The following HERC1 variants were observed in gnomAD, a reference collection of about 807,000 sequenced individuals.
HERC1 encodes the protein probable E3 ubiquitin-protein ligase HERC1.
A neutral mutation model predicts 554.3 loss-of-function variants in HERC1; 160 were observed. The ratio of observed to expected loss-of-function variants is 0.29; its 90% CI spans 0.25 to 0.33. HERC1 has a LOEUF of 0.33. HERC1 is among the 10% of genes least tolerant of loss of function. The probability of loss-of-function intolerance (pLI) is 1.00; values close to 1 mark genes in which losing one functional copy is unlikely to be tolerated. For missense variants in HERC1, 4,919 were observed against 5,918.5 expected (o/e 0.83, Z 5.54); for synonymous variants, 2,175 against 2,131.7 (o/e 1.02, Z -0.56).
chr15:63,614,305 G>C (rs1252419312), intron 76 of HERC1, among the ~76,000 whole-genome samples: 1 of 152,212 alleles, frequency 6.6e-6, no homozygotes, highest in Non-Finnish European at 1.5e-5. Flanking sequence ...GCTTTCTTCT[G>C]TGAAACAGAG....
intron 1 of HERC1, among the ~76,000 whole-genome samples, chr15:63,789,078 G>GT (rs71131178): frequency 0.012 from 1,007 of 83,556 alleles, 161 homozygotes; most frequent in East Asian, 0.042. Flanking sequence ...GGAATAAAAG[G>GT]TTTTTTTTTT....
At chr15:63,829,971 G>T (rs1171787887) in intron 1 of HERC1, among the ~76,000 whole-genome samples, 1 of 152,138 alleles carries the variant, frequency 6.6e-6, no homozygotes, top group Non-Finnish European at 1.5e-5. Flanking sequence ...ATAAGTGAGG[G>T]AAAGGGGACA....
intron 1 of HERC1, among the ~76,000 whole-genome samples, chr15:63,831,746 C>T: frequency 6.6e-6 from 1 of 152,002 alleles, no homozygotes; most frequent in East Asian, 1.9e-4. Flanking sequence ...TTATTTGCAC[C>T]CTCTACTAAC....
At chr15:63,629,657 C>G (rs901343493) in intron 69 of HERC1, among the ~76,000 whole-genome samples, 2 of 151,570 alleles carry the variant, frequency 1.3e-5, no homozygotes, top group Non-Finnish European at 2.9e-5. Flanking sequence ...TAACTCTCCT[C>G]TCAGTAAGAG....
Position 63,758,161 on chromosome 15 carries a change from T to C in HERC1, c.1221+14A>G, listed in dbSNP as rs2075494867. The C allele has an allele frequency of 1.3e-6, 2 of 1,575,416 alleles. No individual in the cohort carries two copies. The highest frequency in any genetic ancestry group is 1.7e-6 in the Non-Finnish European group (2 of 1,148,954). On this transcript the variant is annotated intron_variant, in intron 4 of 77. Transcript: ENST00000443617. The surrounding 1 kb of genome is among the most constrained non-coding windows in gnomAD (Gnocchi z 4.0). ...AGATTATCTACCAGTTTGTAAGCTATTTAGAAAACTTACGGTCTGTGCATC... is the reference window on the plus strand; with the variant it reads ...AGATTATCTACCAGTTTGTAAGCTACTTAGAAAACTTACGGTCTGTGCATC...
At position 63,630,507 on chromosome 15, in the gene HERC1, T is replaced by G. The variant is rs549373010; in HGVS notation, c.12925A>C (p.Asn4309His). 75 of 1,613,844 alleles carry G rather than the reference T, an allele frequency of 4.6e-5. No individual in the cohort carries two copies. Among genetic ancestry groups the G allele is most frequent in the Non-Finnish European group, 5.6e-5 (66 of 1,179,872 alleles). Reference sequence around the variant, plus strand: ...CTCCCCCAGGCATACACATCTCCATTTGATGCCAAAGCAAGTGTGTGTTCA... The same window carrying G: ...CTCCCCCAGGCATACACATCTCCATGTGATGCCAAAGCAAGTGTGTGTTCA... Reference protein sequence around the residue: ...GAEHTLALASNGDVYAWGSNS... With the variant: ...GAEHTLALASHGDVYAWGSNS... Residue 4309 changes from asparagine (N) to histidine (H), a missense_variant, in exon 69 of 78, where the codon AAT (asparagine) becomes CAT (histidine). Coordinates refer to ENST00000443617, the MANE Select transcript of HERC1 (RefSeq NM_003922.4).
intron 4 of HERC1, among the ~76,000 whole-genome samples, chr15:63,757,834 C>T (rs551957043): frequency 4.6e-5 from 7 of 151,964 alleles, no homozygotes; most frequent in Non-Finnish European, 8.8e-5. Flanking sequence ...CTCAGCCTCC[C>T]GAGTAGCTGG....
intron 12 of HERC1, among the ~76,000 whole-genome samples, chr15:63,736,711 C>T (rs934789131): frequency 6.6e-6 from 1 of 151,942 alleles, no homozygotes; most frequent in Non-Finnish European, 1.5e-5. Context: ...GGGGTTCAAG[C>T]GATTTTCCTG....
chr15:63,747,840 G>A lies in HERC1; in HGVS notation c.2238C>T (p.His746=). Residue 746 remains histidine, a synonymous_variant, in exon 11 of 78, where the codon CAC becomes CAT. Coordinates refer to ENST00000443617, the MANE Select transcript of HERC1 (RefSeq NM_003922.4). ...CTTCAAGATCTACACAATAAGGTCG[G>A]TGCCATGCAACAACTTGTCTAGAAG... ...LPRDRQVVAW[H]RPYCVDLEES... The A allele has an allele frequency of 1.3e-6, 2 of 1,548,666 alleles. No individual in the cohort carries two copies. Among genetic ancestry groups the A allele is most frequent in the South Asian group, 2.4e-5 (2 of 83,902 alleles).
At position 63,630,627 on chromosome 15, in the gene HERC1, T is replaced by C. The variant is rs887503598; in HGVS notation, c.12805A>G (p.Ile4269Val). 4 of 1,610,572 alleles carry C rather than the reference T, an allele frequency of 2.5e-6. No homozygotes were observed. The highest frequency in any genetic ancestry group is 3.4e-6 in the Non-Finnish European group (4 of 1,178,604). Residue 4269 changes from isoleucine (I) to valine (V), a missense_variant, in exon 69 of 78, where the codon ATA becomes GTA. By Grantham distance (29) the Ile-to-Val change is conservative. Around this residue, in one of 11 missense-constraint regions of HERC1, gnomAD observed 410 missense variants for 467.0 expected, o/e 0.88. Transcript: ENST00000443617. ...HVYTFGQDRL[I>V]GLPEGRARNH... Reference sequence around the variant, plus strand: ...CGAGCACGCCCCTCTGGCAAGCCTATCAGGCGATCTGAAAAAAACAAAACA... The same window carrying C: ...CGAGCACGCCCCTCTGGCAAGCCTACCAGGCGATCTGAAAAAAACAAAACA...
intron 24 of HERC1, among the ~76,000 whole-genome samples, chr15:63,707,748 G>A (rs1053244920): frequency 6.6e-6 from 1 of 151,886 alleles, no homozygotes. Context: ...GGCCAACAAG[G>A]TGAAACCCCA....
At chr15:63,704,636 T>A (rs893996766) in intron 25 of HERC1, among the ~76,000 whole-genome samples, 1 of 151,850 alleles carries the variant, frequency 6.6e-6, no homozygotes, top group Non-Finnish European at 1.5e-5. Flanking sequence ...TAAGTCAAAA[T>A]GAACTACCAA....
chr15:63,679,738 G>A (rs546457639), intron 36 of HERC1, among the ~76,000 whole-genome samples: 2 of 152,202 alleles, frequency 1.3e-5, no homozygotes, highest in Non-Finnish European at 2.9e-5. Flanking sequence ...TTATTCAGCT[G>A]ATAGCATCTT....
At chr15:63,826,803 AAAAAAAAAAAAATATAT>A (rs1210487753) in intron 1 of HERC1, among the ~76,000 whole-genome samples, 4 of 73,636 alleles carry the variant, frequency 5.4e-5, no homozygotes, top group Admixed American at 4.5e-4. Flanking sequence ...AAAAAAAAAA[AAAAAAAAAAAAATATAT>A]ATATATATAT....
At chr15:63,645,199 A>G in intron 56 of HERC1, 102 bp from the exon 57 acceptor site, 1 of 895,086 alleles carries the variant, frequency 1.1e-6, no homozygotes, top group Non-Finnish European at 1.8e-6. Flanking sequence ...CCACTGCATT[A>G]TTTTTTAAAC....
At chr15:63,671,682 A>G (rs2070934048) in intron 39 of HERC1, among the ~76,000 whole-genome samples, 1 of 152,222 alleles carries the variant, frequency 6.6e-6, no homozygotes, top group Non-Finnish European at 1.5e-5. Context: ...AGCTTTAAAA[A>G]GTTGCCCAGG....
At position 63,749,420 on chromosome 15, in the gene HERC1, C is replaced by T; in HGVS notation, c.2166G>A (p.Gln722=). 3.7e-6 allele frequency: 6 copies of T among 1,613,796 alleles called. No homozygotes were observed. The highest frequency in any genetic ancestry group is 5.1e-6 in the Non-Finnish European group (6 of 1,179,778). The change falls in exon 10 of 78, where the codon CAG becomes CAA. Residue 722 remains glutamine (Q), a synonymous_variant. Coordinates refer to ENST00000443617, the MANE Select transcript of HERC1 (RefSeq NM_003922.4). This position sits in a 1 kb window ranked among gnomAD's most constrained non-coding sequence, Gnocchi z 4.1. ...GACTATGTGATGTTCCAGCCGAAAT[C>T]TGCTGAATAGCTATGCCATCTAAGC... ...VSGLDGIAIQ[Q]ISAGTSHSLA...
At chr15:63,717,003 G>C (rs2140335792) in intron 21 of HERC1, among the ~76,000 whole-genome samples, 1 of 152,160 alleles carries the variant, frequency 6.6e-6, no homozygotes, top group South Asian at 2.1e-4. Flanking sequence ...TTCCCACAGT[G>C]GTTTCTACCT....
At chr15:63,672,224 A>C (rs1182231771) in intron 39 of HERC1, among the ~76,000 whole-genome samples, 1 of 152,220 alleles carries the variant, frequency 6.6e-6, no homozygotes, top group Non-Finnish European at 1.5e-5. Context: ...AATTATCATC[A>C]TAAGAGAGAG....
Sources: gnomAD v4.1 joint callset for allele counts (sites outside exome capture counted in the v4.1 genomes callset) on GRCh38, gnomAD v4.1.1 for gene constraint, gnomAD v4.1.1 regional missense constraint, Gnocchi (gnomAD v3.1) non-coding constraint, MANE v1.5 for transcripts, NCBI Gene and HGNC (gene_info 2026-07-23, HGNC 2026-07-21) for gene names.